Variants in SYTL5 observed in about 807,000 individuals in gnomAD.
The protein encoded by SYTL5 is synaptotagmin-like protein 5.
SYTL5 carries 34 observed loss-of-function variants against 55.9 expected under a neutral mutation model. That is an observed-to-expected ratio of 0.61 (90% CI 0.46 to 0.81). The LOEUF (loss-of-function observed/expected upper bound fraction) is 0.81. SYTL5 is among the 30% of genes least tolerant of loss of function. The pLI is 0.00. For synonymous variants in SYTL5, 221 were observed against 188.7 expected (o/e 1.17, Z -1.40); for missense variants, 637 against 546.7 (o/e 1.17, Z -1.65).
the SYTL5 span, among the ~76,000 whole-genome samples, chrX:37,927,659 T>C: frequency 9.0e-6 from 1 of 110,748 alleles, no homozygotes; most frequent in African/African-American, 3.3e-5. Flanking sequence ...GCACCTGTAG[T>C]CCCAGCTACT....
chrX:38,058,012 G>T (rs1935839414), intron 3 of SYTL5, among the ~76,000 whole-genome samples: 1 of 110,984 alleles, frequency 9.0e-6, no homozygotes, highest in African/African-American at 3.3e-5. Flanking sequence ...TCCTGTTGAA[G>T]AAAACTTTCC....
chrX:38,122,759 A>G (rs1237428499), intron 15 of SYTL5, among the ~76,000 whole-genome samples: 4 of 112,239 alleles, frequency 3.6e-5, no homozygotes, highest in Non-Finnish European at 7.5e-5. Context: ...ATGCAGCCTT[A>G]AAATGGATAC....
At chrX:38,091,996 A>G in intron 7 of SYTL5, among the ~76,000 whole-genome samples, 1 of 112,079 alleles carries the variant, frequency 8.9e-6, no homozygotes, top group Non-Finnish European at 1.9e-5. Flanking sequence ...CTAAGAGAAA[A>G]AAAGAAACAA....
chrX:37,928,613 T>G, the SYTL5 span, among the ~76,000 whole-genome samples: 1 of 111,656 alleles, frequency 9.0e-6, no homozygotes, highest in Non-Finnish European at 1.9e-5. Context: ...TCTCTCTGGA[T>G]CTACCCAAGA....
chrX:37,948,347 G>A, the SYTL5 span, among the ~76,000 whole-genome samples: 819 of 109,717 alleles, frequency 7.5e-3, 11 homozygotes, highest in African/African-American at 0.026. Context: ...AATTTTCTAA[G>A]CATTAGTTTT....
the SYTL5 span, among the ~76,000 whole-genome samples, chrX:37,969,831 A>C: frequency 9.0e-6 from 1 of 111,390 alleles, no homozygotes; most frequent in Non-Finnish European, 1.9e-5. Context: ...ACAGGATTTC[A>C]CCATGTTGGC....
the SYTL5 span, among the ~76,000 whole-genome samples, chrX:37,965,033 A>T: frequency 9.1e-6 from 1 of 110,419 alleles, no homozygotes. Context: ...AAAAACTCTA[A>T]ATTTCATTTT....
chrX:37,982,615 G>A, the SYTL5 span, among the ~76,000 whole-genome samples: 1 of 111,574 alleles, frequency 9.0e-6, no homozygotes, highest in Non-Finnish European at 1.9e-5. Flanking sequence ...AATAATGTAT[G>A]TCATACATGT....
At chrX:37,909,757 C>A in the SYTL5 span, among the ~76,000 whole-genome samples, 1 of 110,057 alleles carries the variant, frequency 9.1e-6, no homozygotes, top group African/African-American at 3.3e-5. Context: ...TCACTGCAAC[C>A]TCTGCCTCCC....
At chrX:38,105,711 A>C (rs1163669173) in intron 10 of SYTL5, among the ~76,000 whole-genome samples, 1 of 111,898 alleles carries the variant, frequency 8.9e-6, no homozygotes, top group East Asian at 2.8e-4. Context: ...AAAACTTATG[A>C]ATTTTTTGTT....
the SYTL5 span, among the ~76,000 whole-genome samples, chrX:37,987,857 G>A: frequency 1.1e-4 from 12 of 111,837 alleles, no homozygotes; most frequent in African/African-American, 2.3e-4. Context: ...TTACTACAGC[G>A]TTCTCTAAAG....
In SYTL5 at chrX:38,120,348, C is replaced by T. The variant is rs1329193289; in HGVS notation, c.1597-10C>T. On this transcript the variant is annotated splice_polypyrimidine_tract_variant and intron_variant, in intron 13 of 16. Coordinates refer to ENST00000297875, the MANE Select transcript of SYTL5 (RefSeq NM_138780.3). ...ATACTCTTTCAACTTACTTGTTTCTCCTTGGCCAGGTGGAGTTTGCTCCTG... is the reference window on the plus strand; with the variant it reads ...ATACTCTTTCAACTTACTTGTTTCTTCTTGGCCAGGTGGAGTTTGCTCCTG... 6.7e-6 allele frequency: 8 copies of T among 1,187,640 alleles called. No individual in the cohort carries two copies. The highest frequency in any genetic ancestry group is 5.9e-5 in the East Asian group (2 of 33,658).
chrX:37,969,973 T>C, the SYTL5 span, among the ~76,000 whole-genome samples: 2 of 112,074 alleles, frequency 1.8e-5, no homozygotes, highest in East Asian at 5.5e-4. Context: ...TTTTAAGATA[T>C]CAATCTGAAG....
rs750222564 is a variant in SYTL5, at chrX:38,034,023, A to T, written c.119+15A>T. 1 of 1,002,040 alleles carries T rather than the reference A, an allele frequency of 1.0e-6. No homozygotes were observed. The highest frequency in any genetic ancestry group is 1.4e-6 in the Non-Finnish European group (1 of 725,099). 82.6% of individuals were successfully genotyped at this position (1,002,040 alleles called of 1,213,427 possible). On this transcript the variant is annotated intron_variant, in intron 2 of 16. Transcript: ENST00000297875. ...AAGAGAATAAGGTAGTATTCTTTTT[A>T]TTTTTTCAGTCCTCCTTGACTGCTT...
rs1024262363 is a variant in SYTL5, at chrX:38,024,686, T to C, written c.-356-8848T>C. On this transcript the variant is annotated intron_variant, in intron 1 of 16. Transcript: ENST00000297875. ...AGTTTTCTCATCTATAAAATAGGAA[T>C]AATAGCAATTTGTTTCATTAGGAAG... is the stretch of plus-strand genomic sequence containing the variant. Among the ~76,000 whole-genome samples, 6 of 111,382 alleles carry C rather than the reference T, an allele frequency of 5.4e-5. No individual in the cohort carries two copies. The East Asian group carries it at 1.7e-3, about 31-fold the overall frequency.
chrX:38,126,453 A>C, intron 16 of SYTL5, 135 bp from the exon 17 acceptor site: 1 of 562,498 alleles, frequency 1.8e-6, no homozygotes, highest in Non-Finnish European at 2.8e-6. Context: ...AACACCACTC[A>C]CTATATATAC....
chrX:37,953,927 G>A, the SYTL5 span, among the ~76,000 whole-genome samples: 225 of 111,569 alleles, frequency 2.0e-3, no homozygotes, highest in African/African-American at 7.0e-3. Context: ...AGGGCAATGC[G>A]TATGTATTTT....
chrX:37,971,777 G>A, the SYTL5 span, among the ~76,000 whole-genome samples: 4 of 109,670 alleles, frequency 3.6e-5, no homozygotes, highest in African/African-American at 1.0e-4. Flanking sequence ...CCAGAAGGGG[G>A]TCATTCTCCT....
the SYTL5 span, among the ~76,000 whole-genome samples, chrX:37,961,538 A>C: frequency 8.9e-6 from 1 of 111,802 alleles, no homozygotes; most frequent in African/African-American, 3.3e-5. Flanking sequence ...TATAGCAAAC[A>C]TGGCCAGATT....
Sources: allele counts gnomAD v4.1 joint callset (sites outside exome capture counted in the v4.1 genomes callset), GRCh38; gene constraint gnomAD v4.1.1; transcripts MANE v1.5; gene names NCBI Gene and HGNC (gene_info 2026-07-23, HGNC 2026-07-21).